ZNF609: variants seen among roughly 807,000 people sequenced by gnomAD.
The protein encoded by ZNF609 is zinc finger protein 609.
ZNF609 carries 11 observed loss-of-function variants against 109.5 expected under a neutral mutation model. That is an observed-to-expected ratio of 0.10 (90% CI 0.06 to 0.17). The LOEUF is 0.17. Among genes scored for constraint, ZNF609 ranks in the 10% least tolerant of loss-of-function variants. The pLI, the probability that ZNF609 is intolerant of heterozygous loss-of-function variation, is 1.00. For synonymous variants in ZNF609, 646 were observed against 662.0 expected (o/e 0.98, Z 0.37); for missense variants, 1,559 against 1,772.4 (o/e 0.88, Z 2.16).
At chr15:64,578,053 A>G (rs1015854394) in intron 2 of ZNF609, among the ~76,000 whole-genome samples, 1 of 151,768 alleles carries the variant, frequency 6.6e-6, no homozygotes, top group Non-Finnish European at 1.5e-5. Context: ...TTGTTAGGAT[A>G]TGAATGACTT....
At chr15:64,644,043 A>G (rs1001742805) in intron 3 of ZNF609, among the ~76,000 whole-genome samples, 2 of 152,040 alleles carry the variant, frequency 1.3e-5, no homozygotes, top group African/African-American at 2.4e-5. Flanking sequence ...GGTCATGGCT[A>G]CAGTGAGCCA....
rs577951433 is a variant in ZNF609 at position 64,637,613 on chromosome 15, AT to A, written c.973+14564del. Among the ~76,000 whole-genome samples the A allele has an allele frequency of 2.2e-4, 33 of 152,192 alleles. No homozygotes were observed. In the East Asian group the frequency reaches 5.4e-3, roughly 25 times the overall value. ...GTAGTGGTATCTCATTGTGGTATTA[AT>A]TTGCATTTCCCTGGTGAGTAATGAA... On this transcript the variant is annotated intron_variant, in intron 3 of 9. Transcript: ENST00000326648.
chr15:64,526,104 CTT>C (rs536172253), intron 2 of ZNF609, among the ~76,000 whole-genome samples: 29 of 132,280 alleles, frequency 2.2e-4, no homozygotes, highest in Non-Finnish European at 3.0e-4. Context: ...TTTTTCTTTT[CTT>C]TTTTTTTTTT....
chr15:64,587,187 T>C (rs2140934667), intron 2 of ZNF609, among the ~76,000 whole-genome samples: 1 of 152,310 alleles, frequency 6.6e-6, no homozygotes, highest in Middle Eastern at 3.4e-3. Flanking sequence ...AAATAGCAGC[T>C]CATTGTTCTC....
intron 3 of ZNF609, among the ~76,000 whole-genome samples, chr15:64,650,586 A>G (rs1896402466): frequency 6.6e-6 from 1 of 152,212 alleles, no homozygotes. Flanking sequence ...AAATCTGTAC[A>G]CAAAACAGTA....
chr15:64,607,763 C>A (rs185992823), intron 2 of ZNF609, among the ~76,000 whole-genome samples: 3 of 151,696 alleles, frequency 2.0e-5, no homozygotes, highest in Admixed American at 6.6e-5. Context: ...CCTTGGCCCC[C>A]CAAAGTGCTG....
At chr15:64,574,592 C>T (rs1262565854) in intron 2 of ZNF609, among the ~76,000 whole-genome samples, 1 of 152,106 alleles carries the variant, frequency 6.6e-6, no homozygotes, top group Non-Finnish European at 1.5e-5. Flanking sequence ...TTTATTGCTG[C>T]TTGGGAAGTG....
intron 2 of ZNF609, among the ~76,000 whole-genome samples, chr15:64,516,769 T>C (rs528105014): frequency 3.2e-4 from 48 of 152,326 alleles, no homozygotes; most frequent in African/African-American, 1.1e-3. Flanking sequence ...TAATCTTGTA[T>C]TGATCTTATC....
chr15:64,486,723 C>T (rs1893339814), intron 1 of ZNF609, among the ~76,000 whole-genome samples: 1 of 151,894 alleles, frequency 6.6e-6, no homozygotes, highest in African/African-American at 2.4e-5. Flanking sequence ...TCAAGTGATT[C>T]TCATGCCTCA....
intron 3 of ZNF609, among the ~76,000 whole-genome samples, chr15:64,629,979 T>C (rs1896038551): frequency 6.6e-6 from 1 of 152,202 alleles, no homozygotes; most frequent in Non-Finnish European, 1.5e-5. Context: ...GAAACTGATT[T>C]ATTAAATTCG....
At chr15:64,657,634 A>C (rs1896510584) in intron 3 of ZNF609, among the ~76,000 whole-genome samples, 1 of 152,134 alleles carries the variant, frequency 6.6e-6, no homozygotes, top group Admixed American at 6.6e-5. Context: ...GCAGCGTTTG[A>C]GGTAGATTAA....
chr15:64,555,710 T>G (rs1293363686), intron 2 of ZNF609, among the ~76,000 whole-genome samples: 1 of 151,252 alleles, frequency 6.6e-6, no homozygotes, highest in Non-Finnish European at 1.5e-5. Flanking sequence ...GGTGAAACCC[T>G]GTCTCTACTA....
intron 1 of ZNF609, among the ~76,000 whole-genome samples, chr15:64,483,238 G>A (rs1893281060): frequency 6.6e-6 from 1 of 152,130 alleles, no homozygotes; most frequent in Admixed American, 6.5e-5. Flanking sequence ...TGGAATTACA[G>A]GCATGTGCCA....
chr15:64,478,202 T>C (rs1175334497), intron 1 of ZNF609, among the ~76,000 whole-genome samples: 1 of 92,720 alleles, frequency 1.1e-5, no homozygotes, highest in Non-Finnish European at 2.6e-5. Flanking sequence ...GTGTGTCTGT[T>C]TAAAGAGGTG....
Position 64,675,794 on chromosome 15 carries a change from A to G in ZNF609, c.2940A>G (p.Val980=). The part of the protein sequence containing the change: ...QSLYYNQYAY[V]PPYGYSDQSY... ...TGTACTACAACCAGTATGCCTATGT[A>G]CCCCCCTATGGCTACAGCGACCAGA... The change falls in exon 5 of 10, where the codon GTA becomes GTG. Residue 980 remains valine (V), a synonymous_variant. Coordinates refer to ENST00000326648, the MANE Select transcript of ZNF609 (RefSeq NM_015042.2). 1 of 1,613,798 alleles carries G rather than the reference A, an allele frequency of 6.2e-7. No homozygotes were observed. Among genetic ancestry groups the G allele is most frequent in the South Asian group, 1.1e-5 (1 of 91,064 alleles).
At chr15:64,624,761 CTT>C (rs11411889) in intron 3 of ZNF609, among the ~76,000 whole-genome samples, 1 of 131,838 alleles carries the variant, frequency 7.6e-6, no homozygotes. Context: ...GTTACGTACA[CTT>C]TTTTTTTTTT....
chr15:64,592,186 A>G (rs1895310299), intron 2 of ZNF609, among the ~76,000 whole-genome samples: 1 of 152,098 alleles, frequency 6.6e-6, no homozygotes, highest in South Asian at 2.1e-4. Context: ...AAAAAAAGAT[A>G]TTTCTCTCAG....
chr15:64,575,946 C>G (rs2140418456), intron 2 of ZNF609, among the ~76,000 whole-genome samples: 1 of 152,174 alleles, frequency 6.6e-6, no homozygotes, highest in South Asian at 2.1e-4. Context: ...TCTAAAAATA[C>G]AAAAAATTAG....
chr15:64,504,899 C>T (rs914564186), intron 2 of ZNF609, among the ~76,000 whole-genome samples: 7 of 152,004 alleles, frequency 4.6e-5, no homozygotes, highest in Admixed American at 1.3e-4. Context: ...CTCACTTATG[C>T]ACTTCTGCCT....
Sources: allele counts gnomAD v4.1 joint callset (sites outside exome capture counted in the v4.1 genomes callset), GRCh38; gene constraint gnomAD v4.1.1; transcripts MANE v1.5; gene names NCBI Gene and HGNC (gene_info 2026-07-23, HGNC 2026-07-21).